SEC14L1: variants seen among roughly 807,000 people sequenced by gnomAD.
SEC14L1 encodes SEC14-like protein 1.
A neutral mutation model predicts 85.3 loss-of-function variants in SEC14L1; 48 were observed. The ratio of observed to expected loss-of-function variants is 0.56; its 90% CI spans 0.45 to 0.72. SEC14L1 has a LOEUF of 0.72. SEC14L1 is among the 30% of genes least tolerant of loss of function. SEC14L1 has a pLI of 0.00. For missense variants in SEC14L1, 682 were observed against 921.4 expected (o/e 0.74, Z 3.36); for synonymous variants, 391 against 355.5 (o/e 1.10, Z -1.12).
Position 77,206,536 on chromosome 17 carries a change from C to T in SEC14L1, c.1341+136C>T. ...AATAACATGCAAAGATATAAAATTT[C>T]TCAAATTGTTTAAGAAAGGGGAAAA... On this transcript the variant is annotated intron_variant, in intron 12 of 16. Coordinates refer to ENST00000436233, the MANE Select transcript of SEC14L1 (RefSeq NM_001143998.2). The surrounding 1 kb of genome is among the most constrained non-coding windows in gnomAD (Gnocchi z 4.3). 1 of 1,296,836 alleles carries T rather than the reference C, an allele frequency of 7.7e-7. No individual in the cohort carries two copies. The highest frequency in any genetic ancestry group is 1.5e-5 in the South Asian group (1 of 65,912). The allele number at this position is 1,296,836 out of a possible 1,614,324, so 80.3% of individuals were successfully genotyped here. A position where few individuals can be genotyped will look rare whatever the true frequency, so the allele number is the denominator to read the frequency against.
At position 77,214,137 on chromosome 17, in the gene SEC14L1, G is replaced by A; in HGVS notation, c.*114G>A. On this transcript the variant is annotated 3_prime_UTR_variant, in exon 17 of 17. Transcript: ENST00000436233. ...TACAGACTCCTCTCACCTCTAGATA[G>A]CAAATAGCTCTCAGATGGTAAACGT... 1.4e-6 allele frequency: 2 copies of A among 1,473,822 alleles called. No homozygotes were observed. The highest frequency in any genetic ancestry group is 2.6e-5 in the Admixed American group (1 of 38,256). 91.3% of individuals were successfully genotyped at this position (1,473,822 alleles called of 1,614,324 possible). A position where few individuals can be genotyped will look rare whatever the true frequency, so the allele number is the denominator to read the frequency against.
At chr17:77,163,806 T>G (rs1301292489) in intron 3 of SEC14L1, among the ~76,000 whole-genome samples, 1 of 152,212 alleles carries the variant, frequency 6.6e-6, no homozygotes, top group Non-Finnish European at 1.5e-5. Context: ...GAAGAGCACC[T>G]GGTCTTTCTC....
Position 77,213,412 on chromosome 17 carries a change from C to T in SEC14L1, c.1962C>T (p.Asp654=), listed in dbSNP as rs904654445. 10 of 1,613,278 alleles carry T rather than the reference C, an allele frequency of 6.2e-6. No homozygotes were observed. The highest frequency in any genetic ancestry group is 3.3e-4 in the Middle Eastern group (2 of 6,084). The change falls in exon 16 of 17, where the codon GAC becomes GAT. Residue 654 remains aspartate, a synonymous_variant. Transcript: ENST00000436233. This position sits in a 1 kb window ranked among gnomAD's most constrained non-coding sequence, Gnocchi z 7.1. ...CCAGCAGCCTTCCCCGGGTGGACGA[C>T]GTGCTTGCGTCCCTGCAGGTCTCTT... ...CAASSLPRVD[D]VLASLQVSSH...
chr17:77,127,766 G>C (rs1972494231), intron 3 of SEC14L1: 1 of 152,222 alleles, frequency 6.6e-6, no homozygotes, highest in Non-Finnish European at 1.5e-5. Flanking sequence ...CAGTGTCTTT[G>C]CAGATGTCAG....
intron 2 of SEC14L1, chr17:77,089,274 A>T (rs146629959): frequency 2.4e-6 from 1 of 419,280 alleles, no homozygotes; most frequent in African/African-American, 2.1e-5. Flanking sequence ...GCATCCAGGT[A>T]TGTCAAGCAT....
At chr17:77,121,168 C>G (rs1972285971) in intron 3 of SEC14L1, among the ~76,000 whole-genome samples, 1 of 152,182 alleles carries the variant, frequency 6.6e-6, no homozygotes, top group African/African-American at 2.4e-5. Context: ...TTCCTAAAGC[C>G]CTTCTGGCTT....
At chr17:77,155,498 G>T (rs1973766368) in intron 3 of SEC14L1, among the ~76,000 whole-genome samples, 1 of 152,122 alleles carries the variant, frequency 6.6e-6, no homozygotes, top group South Asian at 2.1e-4. Flanking sequence ...TCTTGCTGGT[G>T]CCCAGATGGG....
In SEC14L1 at chr17:77,212,087, C is replaced by T. The variant is rs773370552; in HGVS notation, c.1749C>T (p.Ser583=). ...PPKKDSLGAH[S]ITSPGGNNVQ... ...AAAAGGACTCCCTGGGAGCCCACAG[C>T]ATCACCTCTCCGGGTGGGAACAATG... Residue 583 remains serine (S), a synonymous_variant, in exon 15 of 17, where the codon AGC becomes AGT. Coordinates refer to ENST00000436233, the MANE Select transcript of SEC14L1 (RefSeq NM_001143998.2). 1 of 1,614,150 alleles carries T rather than the reference C, an allele frequency of 6.2e-7. No individual in the cohort carries two copies. The highest frequency in any genetic ancestry group is 2.2e-5 in the East Asian group (1 of 44,884).
upstream of SEC14L1, chr17:77,140,650 T>C (rs577699827): frequency 1.3e-5 from 2 of 152,414 alleles, no homozygotes; most frequent in South Asian, 2.1e-4. Flanking sequence ...CTCCGCCCGC[T>C]ACTCGCGAAG....
intron 3 of SEC14L1, among the ~76,000 whole-genome samples, chr17:77,162,107 C>T (rs945314865): frequency 1.1e-4 from 16 of 152,110 alleles, no homozygotes; most frequent in African/African-American, 3.6e-4. Flanking sequence ...AAGGGGGCGA[C>T]TGCCTTTCCC....
chr17:77,153,703 G>A (rs1973674322), intron 3 of SEC14L1, among the ~76,000 whole-genome samples: 1 of 152,126 alleles, frequency 6.6e-6, no homozygotes, highest in African/African-American at 2.4e-5. Context: ...GTGGTCTGAG[G>A]TGTCCAGTTG....
chr17:77,211,758 T>C (rs898050777), intron 14 of SEC14L1, 192 bp from the exon 15 acceptor site: 2 of 681,044 alleles, frequency 2.9e-6, no homozygotes, highest in Non-Finnish European at 5.0e-6. Context: ...GTGCATGACA[T>C]GTAGCAGGAT....
intron 3 of SEC14L1, among the ~76,000 whole-genome samples, chr17:77,151,242 C>G (rs141209768): frequency 1.4e-3 from 219 of 152,236 alleles, no homozygotes; most frequent in African/African-American, 5.0e-3. Context: ...CCTGGTCAAT[C>G]AGTGGGAGAC....
rs1446235537 is a variant in SEC14L1, at chr17:77,215,427, AT to A, written c.*1405del. ...GCTGTCAACTGTGTGCGTGGTAGGC[AT>A]GGAGATCCTGGTTGTGCCGTCTCAG... On this transcript the variant is annotated 3_prime_UTR_variant, in exon 17 of 17. Coordinates refer to ENST00000436233, the MANE Select transcript of SEC14L1 (RefSeq NM_001143998.2). 4.1e-6 allele frequency: 4 copies of A among 985,396 alleles called. No individual in the cohort carries two copies. Among genetic ancestry groups the A allele is most frequent in the Non-Finnish European group, 3.6e-6 (3 of 830,016 alleles). The allele number at this position is 985,396 out of a possible 1,614,324, so 61.0% of individuals were successfully genotyped here.
At chr17:77,110,870 T>C in intron 3 of SEC14L1, among the ~76,000 whole-genome samples, 1 of 105,840 alleles carries the variant, frequency 9.4e-6, no homozygotes, top group African/African-American at 3.8e-5. Context: ...AGAGTGAGAC[T>C]CTGTCTCAAA....
At position 77,215,370 on chromosome 17, in the gene SEC14L1, G is replaced by T; in HGVS notation, c.*1347G>T. On this transcript the variant is annotated 3_prime_UTR_variant, in exon 17 of 17. Coordinates refer to ENST00000436233, the MANE Select transcript of SEC14L1 (RefSeq NM_001143998.2). ...GCAACACGTGTTTCTGTGTGCAGCAGAGGCCGTGTTTTTCATGCCAAACCC... is the reference window on the plus strand; with the variant it reads ...GCAACACGTGTTTCTGTGTGCAGCATAGGCCGTGTTTTTCATGCCAAACCC... The T allele has an allele frequency of 3.0e-6, 3 of 985,478 alleles. No homozygotes were observed. 61.0% of individuals were successfully genotyped at this position (985,478 alleles called of 1,614,324 possible).
chr17:77,213,567 T>G lies in SEC14L1; in HGVS notation c.2042+75T>G. ...GGAGGGAGCCTGCAGTCCCACGCCG[T>G]GTGCAGGATCAGCAGTGGCGGCGGG... On this transcript the variant is annotated intron_variant, in intron 16 of 16. Transcript: ENST00000436233. The surrounding 1 kb of genome is among the most constrained non-coding windows in gnomAD (Gnocchi z 7.1). 1 of 1,546,922 alleles carries G rather than the reference T, an allele frequency of 6.5e-7. No homozygotes were observed. The highest frequency in any genetic ancestry group is 8.8e-7 in the Non-Finnish European group (1 of 1,135,436).
chr17:77,205,352 T>TG lies in SEC14L1; in HGVS notation c.1169+7dup. 1 of 1,612,512 alleles carries TG rather than the reference T, an allele frequency of 6.2e-7. No homozygotes were observed. Among genetic ancestry groups the TG allele is most frequent in the Non-Finnish European group, 8.5e-7 (1 of 1,178,544 alleles). ...GTCTTTGGTCGGCCTATCAGGTAGA[T>TG]GTGGGATTTTGTTTTTCCTTTCAAC... is the stretch of plus-strand genomic sequence containing the variant. On this transcript the variant is annotated splice_region_variant and intron_variant, in intron 11 of 16. Coordinates refer to ENST00000436233, the MANE Select transcript of SEC14L1 (RefSeq NM_001143998.2).
chr17:77,118,177 G>A (rs994816394), intron 3 of SEC14L1, among the ~76,000 whole-genome samples: 2 of 152,264 alleles, frequency 1.3e-5, no homozygotes, highest in African/African-American at 2.4e-5. Flanking sequence ...GCGGCAGGCC[G>A]CACTGTGGAA....
Sources: gnomAD v4.1 joint callset for allele counts (sites outside exome capture counted in the v4.1 genomes callset) on GRCh38, gnomAD v4.1.1 for gene constraint, Gnocchi (gnomAD v3.1) non-coding constraint, MANE v1.5 for transcripts, NCBI Gene and HGNC (gene_info 2026-07-23, HGNC 2026-07-21) for gene names.